OR6C70: variants seen among roughly 807,000 people sequenced by gnomAD.
OR6C70 encodes olfactory receptor 6C70.
For synonymous variants in OR6C70, 157 were observed against 130.8 expected, an observed-to-expected ratio of 1.20 and a Z score of -1.36; for missense variants, 437 against 357.5, an observed-to-expected ratio of 1.22 and a Z score of -1.79.
Position 55,469,518 on chromosome 12 carries a change from G to T in OR6C70, c.621C>A (p.Val207=). The T allele has an allele frequency of 6.2e-7, 1 of 1,613,764 alleles. No homozygotes were observed. Among genetic ancestry groups the T allele is most frequent in the South Asian group, 1.1e-5 (1 of 91,004 alleles). ...AAGAAAGGATTACTAAAAACAATGTGACAATAAGTGTCATCACAGCTAATA... is the reference window on the plus strand; with the variant it reads ...AAGAAAGGATTACTAAAAACAATGTTACAATAAGTGTCATCACAGCTAATA... The part of the protein sequence containing the change: ...AFLLAVMTLI[V]TLFLVILSYS... The change falls in exon 1 of 1, where the codon GTC becomes GTA. Residue 207 remains valine, a synonymous_variant. Transcript: ENST00000327335.
In OR6C70 at chr12:55,469,518, G is replaced by A. The variant is rs1318721611; in HGVS notation, c.621C>T (p.Val207=). 1 of 1,613,766 alleles carries A rather than the reference G, an allele frequency of 6.2e-7. No individual in the cohort carries two copies. Among genetic ancestry groups the A allele is most frequent in the South Asian group, 1.1e-5 (1 of 91,006 alleles). ...AAGAAAGGATTACTAAAAACAATGT[G>A]ACAATAAGTGTCATCACAGCTAATA... ...AFLLAVMTLI[V]TLFLVILSYS... The change falls in exon 1 of 1, where the codon GTC becomes GTT. Residue 207 remains valine (V), a synonymous_variant. Coordinates refer to ENST00000327335, the MANE Select transcript of OR6C70 (RefSeq NM_001005499.1).
chr12:55,469,716 C>A lies in OR6C70; in HGVS notation c.423G>T (p.Gln141His), dbSNP rs891021046. 4 of 1,613,962 alleles carry A rather than the reference C, an allele frequency of 2.5e-6. No individual in the cohort carries two copies. The highest frequency in any genetic ancestry group is 3.4e-6 in the Non-Finnish European group (4 of 1,179,934). The change falls in exon 1 of 1, where the codon CAG becomes CAT. Residue 141 changes from glutamine (Q) to histidine (H), a missense_variant. Physicochemically the swap from Gln to His is conservative, Grantham distance 24. Coordinates refer to ENST00000327335, the MANE Select transcript of OR6C70 (RefSeq NM_001005499.1). The part of the protein sequence containing the change: ...MSIMSNKVCY[Q>H]LVFSSWVTGF... ...CAGTTACCCAAGAACTGAATACAAGCTGGTAGCAAACTTTGTTACTCATGA... is the reference window on the plus strand; with the variant it reads ...CAGTTACCCAAGAACTGAATACAAGATGGTAGCAAACTTTGTTACTCATGA...
rs1871900954 is a variant in OR6C70, at chr12:55,469,657, C to A, written c.482G>T (p.Gly161Val). 2 of 1,613,792 alleles carry A rather than the reference C, an allele frequency of 1.2e-6. No individual in the cohort carries two copies. Among genetic ancestry groups the A allele is most frequent in the East Asian group, 4.5e-5 (2 of 44,852 alleles). Residue 161 changes from glycine to valine, a missense_variant, in exon 1 of 1, where the codon GGT (glycine) becomes GTT (valine). By Grantham distance (109) the Gly-to-Val change is moderately radical (BLOSUM62 -3). Transcript: ENST00000327335. ...TGAAGCACAGAAATCCAAGTTAAGA[C>A]CTAAAATCAGTGGAGTGAAAATGAT... is the stretch of plus-strand genomic sequence containing the variant. Reference protein sequence around the residue: ...FLIIFTPLILGLNLDFCASNI... With the variant: ...FLIIFTPLILVLNLDFCASNI...
In OR6C70 at chr12:55,469,768, AT is replaced by A; in HGVS notation, c.370del (p.Ile124SerfsTer11). 1 of 1,614,144 alleles carries A rather than the reference AT, an allele frequency of 6.2e-7. No individual in the cohort carries two copies. Among genetic ancestry groups the A allele is most frequent in the Non-Finnish European group, 8.5e-7 (1 of 1,179,984 alleles). The stretch of plus-strand genomic sequence containing the variant: ...GGACATATAACGCAAAGGTTTGCAG[AT>A]GGCAACATAGCGATCATAGGACAGA... ...AALSYDRYVA[I>X]CKPLRYMSIM... On this transcript the variant is annotated frameshift_variant, in exon 1 of 1. Coordinates refer to ENST00000327335, the MANE Select transcript of OR6C70 (RefSeq NM_001005499.1). LOFTEE classifies it low-confidence loss of function (END_TRUNC).
Position 55,469,883 on chromosome 12 carries a change from TG to T in OR6C70, c.255del (p.Arg86GlyfsTer28). 6.2e-7 allele frequency: 1 copy of T among 1,613,960 alleles called. No homozygotes were observed. The highest frequency in any genetic ancestry group is 8.5e-7 in the Non-Finnish European group (1 of 1,179,924). On this transcript the variant is annotated frameshift_variant, in exon 1 of 1. Transcript: ENST00000327335. LOFTEE classifies it low-confidence loss of function (END_TRUNC). Reference protein sequence around the residue: ...CIPRFLITIVTREKTISCNGC... With the variant: ...CIPRFLITIVXREKTISCNGC... Reference sequence around the variant, plus strand: ...CCATTACAGGAAATGGTCTTTTCCCTGGTAACAATGGTGATTAGGAATCTGG... The same window carrying T: ...CCATTACAGGAAATGGTCTTTTCCCTGTAACAATGGTGATTAGGAATCTGG...
rs757691426 is a variant in OR6C70 at position 55,469,911 on chromosome 12, A to G, written c.228T>C (p.Ile76=). The G allele has an allele frequency of 6.2e-7, 1 of 1,613,952 alleles. No homozygotes were observed. The highest frequency in any genetic ancestry group is 1.1e-5 in the South Asian group (1 of 91,072). ...TAACAATGGTGATTAGGAATCTGGG[A>G]ATGCAAGCAGTTGTGAATGAAATTT... ...FLEISFTTAC[I]PRFLITIVTR... is the part of the protein sequence containing the mutation. The change falls in exon 1 of 1, where the codon ATT becomes ATC. Residue 76 remains isoleucine (I), a synonymous_variant. Coordinates refer to ENST00000327335, the MANE Select transcript of OR6C70 (RefSeq NM_001005499.1).
At position 55,469,401 on chromosome 12, in the gene OR6C70, G is replaced by C; in HGVS notation, c.738C>G (p.Val246=). The change falls in exon 1 of 1, where the codon GTC becomes GTG. Residue 246 remains valine (V), a synonymous_variant. Coordinates refer to ENST00000327335, the MANE Select transcript of OR6C70 (RefSeq NM_001005499.1). ...ACATACAACTACCATAAGTGATGGAGACAACAATCATGTGAGAAGAGCAGG... is the reference window on the plus strand; with the variant it reads ...ACATACAACTACCATAAGTGATGGACACAACAATCATGTGAGAAGAGCAGG... ...FSTCSSHMIV[V]SITYGSCMFI... 6.2e-7 allele frequency: 1 copy of C among 1,613,932 alleles called. No homozygotes were observed. The highest frequency in any genetic ancestry group is 8.5e-7 in the Non-Finnish European group (1 of 1,179,870).
At position 55,469,506 on chromosome 12, in the gene OR6C70, T is replaced by C. The variant is rs756217780; in HGVS notation, c.633A>G (p.Leu211=). The change falls in exon 1 of 1, where the codon TTA becomes TTG. Residue 211 remains leucine, a synonymous_variant. Coordinates refer to ENST00000327335, the MANE Select transcript of OR6C70 (RefSeq NM_001005499.1). ...TGATGTAAGAGTAAGAAAGGATTACTAAAAACAATGTGACAATAAGTGTCA... is the reference window on the plus strand; with the variant it reads ...TGATGTAAGAGTAAGAAAGGATTACCAAAAACAATGTGACAATAAGTGTCA... ...AVMTLIVTLF[L]VILSYSYIIK... 3 of 1,614,000 alleles carry C rather than the reference T, an allele frequency of 1.9e-6. No individual in the cohort carries two copies. Among genetic ancestry groups the C allele is most frequent in the East Asian group, 2.2e-5 (1 of 44,866 alleles).
chr12:55,469,713 A>C lies in OR6C70; in HGVS notation c.426T>G (p.Leu142=). 2 of 1,614,070 alleles carry C rather than the reference A, an allele frequency of 1.2e-6. No homozygotes were observed. Among genetic ancestry groups the C allele is most frequent in the Non-Finnish European group, 1.7e-6 (2 of 1,179,950 alleles). The change falls in exon 1 of 1, where the codon CTT becomes CTG. Residue 142 remains leucine, a synonymous_variant. Coordinates refer to ENST00000327335, the MANE Select transcript of OR6C70 (RefSeq NM_001005499.1). ...ATCCAGTTACCCAAGAACTGAATAC[A>C]AGCTGGTAGCAAACTTTGTTACTCA... ...SIMSNKVCYQ[L]VFSSWVTGFL...
chr12:55,469,992 C>T lies in OR6C70; in HGVS notation c.147G>A (p.Leu49=). 1 of 1,613,962 alleles carries T rather than the reference C, an allele frequency of 6.2e-7. No homozygotes were observed. Among genetic ancestry groups the T allele is most frequent in the African/African-American group, 1.3e-5 (1 of 74,998 alleles). The change falls in exon 1 of 1, where the codon CTG becomes CTA. Residue 49 remains leucine (L), a synonymous_variant. Transcript: ENST00000327335. ...ACATTGGAGTCTTGAGCTGGGAATC[C>T]AGCAGAATGAGGGCAATGATAGTGA... ...GNFTIIALIL[L]DSQLKTPMYF... is the part of the protein sequence containing the mutation.
At position 55,469,452 on chromosome 12, in the gene OR6C70, A is replaced by C. The variant is rs770478050; in HGVS notation, c.687T>G (p.Ala229=). The C allele has an allele frequency of 6.2e-7, 1 of 1,613,984 alleles. No homozygotes were observed. The highest frequency in any genetic ancestry group is 2.2e-5 in the East Asian group (1 of 44,870). The change falls in exon 1 of 1, where the codon GCT becomes GCG. Residue 229 remains alanine (A), a synonymous_variant. Coordinates refer to ENST00000327335, the MANE Select transcript of OR6C70 (RefSeq NM_001005499.1). ...IIKTILKFPS[A]QQKKKAFSTC... ...TGGAAAAGGCTTTCTTCTTTTGCTG[A>C]GCTGAAGGGAATTTCAGAATTGTCT...
Position 55,469,922 on chromosome 12 carries a change from T to C in OR6C70, c.217A>G (p.Thr73Ala), listed in dbSNP as rs111804291. 1.4e-3 allele frequency: 2,180 copies of C among 1,613,696 alleles called. 20 individuals carry two copies. The African/African-American group carries it at 0.025, about 19-fold the overall frequency. ...ATTAGGAATCTGGGAATGCAAGCAG[T>C]TGTGAATGAAATTTCCAGAAAAGAG... ...NFSFLEISFT[T>A]ACIPRFLITI... Residue 73 changes from threonine (T) to alanine (A), a missense_variant, in exon 1 of 1, where the codon ACT becomes GCT. Thr to Ala is a moderately conservative substitution (Grantham distance 58). Coordinates refer to ENST00000327335, the MANE Select transcript of OR6C70 (RefSeq NM_001005499.1).
Position 55,469,405 on chromosome 12 carries a change from A to G in OR6C70, c.734T>C (p.Val245Ala), listed in dbSNP as rs1871892540. 4 of 1,613,890 alleles carry G rather than the reference A, an allele frequency of 2.5e-6. No homozygotes were observed. In the South Asian group the frequency reaches 4.4e-5, roughly 18 times the overall value. Residue 245 changes from valine (V) to alanine (A), a missense_variant, in exon 1 of 1, where the codon GTT (valine) becomes GCT (alanine). Val to Ala is a moderately conservative substitution (Grantham distance 64). Coordinates refer to ENST00000327335, the MANE Select transcript of OR6C70 (RefSeq NM_001005499.1). ...AFSTCSSHMI[V>A]VSITYGSCMF... ...ACAACTACCATAAGTGATGGAGACAACAATCATGTGAGAAGAGCAGGTGGA... is the reference window on the plus strand; with the variant it reads ...ACAACTACCATAAGTGATGGAGACAGCAATCATGTGAGAAGAGCAGGTGGA...
rs141797471 is a variant in OR6C70, at chr12:55,469,504, A to G, written c.635T>C (p.Val212Ala). Residue 212 changes from valine to alanine, a missense_variant, in exon 1 of 1, where the codon GTA becomes GCA. Val to Ala is a moderately conservative substitution (Grantham distance 64, BLOSUM62 0). Coordinates refer to ENST00000327335, the MANE Select transcript of OR6C70 (RefSeq NM_001005499.1). ...VMTLIVTLFLVILSYSYIIKT... is the reference protein window; with the variant it reads ...VMTLIVTLFLAILSYSYIIKT... The stretch of plus-strand genomic sequence containing the variant: ...GATGATGTAAGAGTAAGAAAGGATT[A>G]CTAAAAACAATGTGACAATAAGTGT... 13 of 1,614,052 alleles carry G rather than the reference A, an allele frequency of 8.1e-6. No homozygotes were observed. Among genetic ancestry groups the G allele is most frequent in the Middle Eastern group, 1.6e-4 (1 of 6,062 alleles).
Position 55,470,037 on chromosome 12 carries a change from C to T in OR6C70, c.102G>A (p.Val34=). 6.2e-7 allele frequency: 1 copy of T among 1,613,678 alleles called. No homozygotes were observed. The highest frequency in any genetic ancestry group is 8.5e-7 in the Non-Finnish European group (1 of 1,179,618). The change falls in exon 1 of 1, where the codon GTG becomes GTA. Residue 34 remains valine, a synonymous_variant. Transcript: ENST00000327335. ...TAGTGAAGTTCCCTATCATGCTCAA[C>T]ACACAATTTAGAAGTAGAAATAAGA... The part of the protein sequence containing the change: ...VIFLFLLLNC[V]LSMIGNFTII...
At position 55,469,993 on chromosome 12, in the gene OR6C70, A is replaced by G. The variant is rs2120718450; in HGVS notation, c.146T>C (p.Leu49Pro). Residue 49 changes from leucine (L) to proline (P), a missense_variant, in exon 1 of 1, where the codon CTG (leucine) becomes CCG (proline). Transcript: ENST00000327335. Reference protein sequence around the residue: ...GNFTIIALILLDSQLKTPMYF... With the variant: ...GNFTIIALILPDSQLKTPMYF... ...CATTGGAGTCTTGAGCTGGGAATCC[A>G]GCAGAATGAGGGCAATGATAGTGAA... is the stretch of plus-strand genomic sequence containing the variant. The G allele has an allele frequency of 6.2e-7, 1 of 1,614,104 alleles. No homozygotes were observed. The highest frequency in any genetic ancestry group is 8.5e-7 in the Non-Finnish European group (1 of 1,179,976).
Position 55,469,876 on chromosome 12 carries a change from T to C in OR6C70, c.263A>G (p.Lys88Arg). Reference protein sequence around the residue: ...RFLITIVTREKTISCNGCISQ... With the variant: ...RFLITIVTRERTISCNGCISQ... ...TATGCAACCATTACAGGAAATGGTC[T>C]TTTCCCTGGTAACAATGGTGATTAG... The change falls in exon 1 of 1, where the codon AAG becomes AGG. Residue 88 changes from lysine to arginine, a missense_variant. Coordinates refer to ENST00000327335, the MANE Select transcript of OR6C70 (RefSeq NM_001005499.1). The C allele has an allele frequency of 1.9e-6, 3 of 1,613,916 alleles. No individual in the cohort carries two copies. The highest frequency in any genetic ancestry group is 2.5e-6 in the Non-Finnish European group (3 of 1,179,894).
chr12:55,469,947 G>C lies in OR6C70; in HGVS notation c.192C>G (p.Phe64Leu). 1.2e-6 allele frequency: 2 copies of C among 1,613,780 alleles called. No individual in the cohort carries two copies. The change falls in exon 1 of 1, where the codon TTC becomes TTG. Residue 64 changes from phenylalanine (F) to leucine (L), a missense_variant. Coordinates refer to ENST00000327335, the MANE Select transcript of OR6C70 (RefSeq NM_001005499.1). ...KTPMYFFLRN[F>L]SFLEISFTTA... ...TTGTGAATGAAATTTCCAGAAAAGA[G>C]AAATTACGGAGGAAGAAATACATTG... is the stretch of plus-strand genomic sequence containing the variant.
Position 55,469,381 on chromosome 12 carries a change from C to A in OR6C70, c.758G>T (p.Cys253Phe). ...TGATGGCTTTATGTAGATAAACATA[C>A]AACTACCATAAGTGATGGAGACAAC... Reference protein sequence around the residue: ...MIVVSITYGSCMFIYIKPSAN... With the variant: ...MIVVSITYGSFMFIYIKPSAN... Residue 253 changes from cysteine to phenylalanine, a missense_variant, in exon 1 of 1, where the codon TGT becomes TTT. Physicochemically the swap from Cys to Phe is radical, Grantham distance 205. Transcript: ENST00000327335. 1.9e-6 allele frequency: 3 copies of A among 1,613,968 alleles called. No individual in the cohort carries two copies. Among genetic ancestry groups the A allele is most frequent in the Non-Finnish European group, 2.5e-6 (3 of 1,179,916 alleles).
Sources: gnomAD v4.1 joint callset for allele counts on GRCh38, gnomAD v4.1.1 for gene constraint, MANE v1.5 for transcripts, NCBI Gene and HGNC (gene_info 2026-07-23, HGNC 2026-07-21) for gene names.